RYR2: variants seen among roughly 807,000 people sequenced by gnomAD.
The protein encoded by RYR2 is cardiac muscle ryanodine receptor-calcium release channel.
A neutral mutation model predicts 601.1 loss-of-function variants in RYR2; 227 were observed. The ratio of observed to expected loss-of-function variants is 0.38; its 90% CI spans 0.34 to 0.42. The LOEUF (loss-of-function observed/expected upper bound fraction) is 0.42. Among genes scored for constraint, RYR2 ranks in the 10% least tolerant of loss-of-function variants. The probability of loss-of-function intolerance (pLI) is 1.00; values close to 1 mark genes in which losing one functional copy is unlikely to be tolerated. For synonymous variants in RYR2, 2,223 were observed against 2,175.1 expected (o/e 1.02, Z -0.61); for missense variants, 4,646 against 6,156.5 (o/e 0.75, Z 8.21).
At chr1:237,423,305 G>A in intron 12 of RYR2, 57 bp downstream of exon 12, 1 of 1,541,794 alleles carries the variant, frequency 6.5e-7, no homozygotes, top group Non-Finnish European at 8.8e-7. Context: ...TATTTCCTTT[G>A]ATGTTAGAAA....
chr1:237,273,738 T>C (rs1057281961), intron 2 of RYR2, among the ~76,000 whole-genome samples: 3 of 151,568 alleles, frequency 2.0e-5, no homozygotes, highest in African/African-American at 7.3e-5. Context: ...ATATTGGTCA[T>C]AGAACTAAGA....
Position 237,423,078 on chromosome 1 carries a change from A to G in RYR2, c.849-14A>G, listed in dbSNP as rs951386087. ...GTGGGTGCTATTGGATCAAGTCCTA[A>G]CTGTTTTCATTAGGTGGAGTGGAAG... On this transcript the variant is annotated splice_polypyrimidine_tract_variant and intron_variant, in intron 11 of 104. Coordinates refer to ENST00000366574, the MANE Select transcript of RYR2 (RefSeq NM_001035.3). 1.2e-6 allele frequency: 2 copies of G among 1,609,168 alleles called. No homozygotes were observed. Among genetic ancestry groups the G allele is most frequent in the Non-Finnish European group, 1.7e-6 (2 of 1,178,582 alleles).
chr1:237,682,392 A>G (rs1376944572), intron 62 of RYR2, among the ~76,000 whole-genome samples: 1 of 152,182 alleles, frequency 6.6e-6, no homozygotes, highest in African/African-American at 2.4e-5. Flanking sequence ...GCACCAGAAT[A>G]TCTTTAATTA....
intron 1 of RYR2, among the ~76,000 whole-genome samples, chr1:237,158,482 G>A (rs550443381): frequency 4.7e-4 from 71 of 152,240 alleles, no homozygotes; most frequent in Admixed American, 9.8e-4. Context: ...GAGGAAATTG[G>A]TGATGTTTTC....
At chr1:237,561,867 G>GT (rs1437427935) in intron 27 of RYR2, among the ~76,000 whole-genome samples, 1 of 152,068 alleles carries the variant, frequency 6.6e-6, no homozygotes, top group East Asian at 1.9e-4. Flanking sequence ...TAGAAAAATT[G>GT]TTTTTTTGAA....
intron 14 of RYR2, 71 bp downstream of exon 14, chr1:237,445,593 C>T (rs898326330): frequency 6.4e-7 from 1 of 1,572,956 alleles, no homozygotes; most frequent in Admixed American, 1.7e-5. Context: ...TGCAAATAGA[C>T]AATTTAAAAG....
chr1:237,272,766 C>A (rs1271147171), intron 2 of RYR2, among the ~76,000 whole-genome samples: 1 of 151,356 alleles, frequency 6.6e-6, no homozygotes, highest in Non-Finnish European at 1.5e-5. Flanking sequence ...TATGAAAGAG[C>A]AACATACATT....
chr1:237,390,684 G>A (rs1010929925), intron 10 of RYR2, among the ~76,000 whole-genome samples: 1 of 152,150 alleles, frequency 6.6e-6, no homozygotes, highest in Non-Finnish European at 1.5e-5. Flanking sequence ...GGCTAGTTAT[G>A]ATTGCAGAGA....
chr1:237,554,602 C>T (rs947342751), intron 27 of RYR2, among the ~76,000 whole-genome samples: 43 of 151,926 alleles, frequency 2.8e-4, no homozygotes, highest in African/African-American at 9.6e-5. Context: ...ATTGAAACCA[C>T]GAGCCTAGAG....
At chr1:237,441,133 C>T (rs1454890672) in intron 12 of RYR2, among the ~76,000 whole-genome samples, 186 bp from the exon 13 acceptor site, 2 of 151,890 alleles carry the variant, frequency 1.3e-5, no homozygotes, top group Non-Finnish European at 2.9e-5. Flanking sequence ...AGTGTTTTAC[C>T]AATGTGAATA....
chr1:237,387,343 C>G lies in RYR2; in HGVS notation c.639C>G (p.Ser213Arg). 1.2e-6 allele frequency: 2 copies of G among 1,613,964 alleles called. No homozygotes were observed. Among genetic ancestry groups the G allele is most frequent in the Non-Finnish European group, 1.7e-6 (2 of 1,179,870 alleles). ...VDAAFQQTLW[S>R]VAPISSGSEA... is the part of the protein sequence containing the mutation. ...CCGCTTTCCAGCAGACTCTCTGGAG[C>G]GTGGCCCCAATCAGCTCAGGAAGTG... The change falls in exon 9 of 105, where the codon AGC (serine) becomes AGG (arginine). Residue 213 changes from serine to arginine, a missense_variant. Ser to Arg is a moderately radical substitution (Grantham distance 110). Coordinates refer to ENST00000366574, the MANE Select transcript of RYR2 (RefSeq NM_001035.3).
At chr1:237,131,892 T>A (rs543849870) in intron 1 of RYR2, among the ~76,000 whole-genome samples, 2 of 152,066 alleles carry the variant, frequency 1.3e-5, no homozygotes, top group South Asian at 4.1e-4. Context: ...GGCTGATTTT[T>A]AAAAAAATGT....
chr1:237,806,358 C>T (rs563840304), intron 99 of RYR2, 75 bp downstream of exon 99: 23 of 1,380,122 alleles, frequency 1.7e-5, no homozygotes, highest in Non-Finnish European at 2.1e-5. Context: ...ATAAAACTAC[C>T]CCTCAAATGA....
chr1:237,619,892 T>C (rs1447059432), intron 38 of RYR2, among the ~76,000 whole-genome samples: 1 of 152,060 alleles, frequency 6.6e-6, no homozygotes, highest in African/African-American at 2.4e-5. Context: ...AATCAAGACA[T>C]TCTCAAATGA....
At chr1:237,331,542 A>G (rs1038834398) in intron 3 of RYR2, among the ~76,000 whole-genome samples, 4 of 150,822 alleles carry the variant, frequency 2.7e-5, no homozygotes, top group Admixed American at 6.6e-5. Context: ...TGGCTCTGTC[A>G]CCCAGGCTGG....
At chr1:237,394,063 T>C (rs1468785208) in intron 10 of RYR2, among the ~76,000 whole-genome samples, 4 of 152,354 alleles carry the variant, frequency 2.6e-5, no homozygotes, top group Admixed American at 2.6e-4. Context: ...AATCTCTCGA[T>C]GATTTTCTCA....
chr1:237,297,925 TA>T (rs1692956001), intron 2 of RYR2, among the ~76,000 whole-genome samples: 1 of 118,046 alleles, frequency 8.5e-6, no homozygotes, highest in South Asian at 2.9e-4. Context: ...TAATTTTTTG[TA>T]TTTTTTTTTT....
At chr1:237,099,378 T>C (rs1448469389) in intron 1 of RYR2, among the ~76,000 whole-genome samples, 4 of 152,022 alleles carry the variant, frequency 2.6e-5, no homozygotes, top group Non-Finnish European at 5.9e-5. Context: ...GCTGGGACCA[T>C]AAGTGCACAC....
At chr1:237,253,991 T>A (rs745772018) in intron 1 of RYR2, among the ~76,000 whole-genome samples, 2 of 152,218 alleles carry the variant, frequency 1.3e-5, no homozygotes, top group Admixed American at 1.3e-4. Flanking sequence ...AGCACATCTA[T>A]GAACTGATAG....
Sources: allele counts gnomAD v4.1 joint callset (sites outside exome capture counted in the v4.1 genomes callset), GRCh38; gene constraint gnomAD v4.1.1; transcripts MANE v1.5; gene names NCBI Gene and HGNC (gene_info 2026-07-23, HGNC 2026-07-21).